Variants in DENND6A observed in about 807,000 individuals in gnomAD.
DENND6A encodes the protein protein DENND6A.
Under a neutral mutation model 95.5 loss-of-function variants are expected in DENND6A, and 43 were observed. That is an observed-to-expected ratio of 0.45 (90% CI 0.35 to 0.58). The LOEUF (loss-of-function observed/expected upper bound fraction) is 0.58. Ranked by LOEUF, DENND6A falls within the 20% of genes least tolerant of loss-of-function variation. DENND6A has a pLI of 0.00. For missense variants in DENND6A, 574 were observed against 736.0 expected, an observed-to-expected ratio of 0.78 and a Z score of 2.55; for synonymous variants, 257 against 260.4, an observed-to-expected ratio of 0.99 and a Z score of 0.13.
intron 1 of DENND6A, among the ~76,000 whole-genome samples, chr3:57,682,311 T>C (rs1250075233): frequency 8.5e-6 from 1 of 117,178 alleles, no homozygotes; most frequent in East Asian, 2.3e-4. Context: ...AAAAAAAAAA[T>C]TATATTCTGT....
rs1296899724 is a variant in DENND6A at position 57,637,604 on chromosome 3, G to A, written c.1133-2835C>T. On this transcript the variant is annotated intron_variant, in intron 12 of 19. Coordinates refer to ENST00000311128, the MANE Select transcript of DENND6A (RefSeq NM_152678.3). ...CCAGAATCCTGAGCAGGGCTGTGTT[G>A]CACAACTTGTGCAGCATTTGCAGTG... Among the ~76,000 whole-genome samples the A allele has an allele frequency of 7.2e-5, 11 of 151,744 alleles. 1 individual carries two copies. Among genetic ancestry groups the A allele is most frequent in the Non-Finnish European group, 1.6e-4 (11 of 67,972 alleles).
chr3:57,655,902 CTCTA>C (rs1433412852), intron 9 of DENND6A, among the ~76,000 whole-genome samples: 1 of 152,128 alleles, frequency 6.6e-6, no homozygotes, highest in Non-Finnish European at 1.5e-5. Flanking sequence ...AATAATTGAA[CTCTA>C]TATTAATTTA....
At chr3:57,679,467 T>A (rs2077140296) in intron 1 of DENND6A, 2 of 984,844 alleles carry the variant, frequency 2.0e-6, no homozygotes, top group Admixed American at 1.2e-4. Flanking sequence ...AAATTTTCTT[T>A]AAAGTTCACA....
At chr3:57,680,039 A>C (rs963754656) in intron 1 of DENND6A, among the ~76,000 whole-genome samples, 3 of 152,212 alleles carry the variant, frequency 2.0e-5, no homozygotes, top group African/African-American at 7.2e-5. Context: ...TGAAGCACAA[A>C]AGTTAACTTC....
At chr3:57,628,717 A>G (rs2070588929) in intron 19 of DENND6A, 94 bp downstream of exon 19, 1 of 1,292,464 alleles carries the variant, frequency 7.7e-7, no homozygotes, top group African/African-American at 1.5e-5. Flanking sequence ...TTAAAAAGTT[A>G]CTTCTGCGAA....
At chr3:57,680,349 T>C (rs1323031972) in intron 1 of DENND6A, among the ~76,000 whole-genome samples, 1 of 152,192 alleles carries the variant, frequency 6.6e-6, no homozygotes, top group Non-Finnish European at 1.5e-5. Flanking sequence ...CCCAAGGTGA[T>C]AGCGGTATTA....
chr3:57,630,305 T>G, intron 18 of DENND6A, 116 bp downstream of exon 18: 1 of 867,794 alleles, frequency 1.2e-6, no homozygotes. Flanking sequence ...CTAGAAAAGT[T>G]AGTCATCATT....
At chr3:57,673,041 C>G (rs771919459) in intron 1 of DENND6A, among the ~76,000 whole-genome samples, 3 of 150,374 alleles carry the variant, frequency 2.0e-5, no homozygotes, top group Admixed American at 2.0e-4. Context: ...ATGATGAAAC[C>G]CCATCTCTAC....
intron 18 of DENND6A, among the ~76,000 whole-genome samples, chr3:57,629,431 C>A (rs1025794276): frequency 4.0e-5 from 6 of 150,160 alleles, no homozygotes; most frequent in African/African-American, 1.2e-4. Context: ...GAAAGTGAGA[C>A]TATTCCTTTT....
chr3:57,645,810 A>C lies in DENND6A; in HGVS notation c.942-54T>G, dbSNP rs962417567. The C allele has an allele frequency of 4.1e-5, 54 of 1,319,448 alleles. 2 individuals carry two copies. The highest frequency in any genetic ancestry group is 7.4e-5 in the South Asian group (6 of 81,182). The allele number at this position is 1,319,448 out of a possible 1,614,324, so 81.7% of individuals were successfully genotyped here. A position where few individuals can be genotyped will look rare whatever the true frequency, so the allele number is the denominator to read the frequency against. ...AAGGACACAGAAATTAAAGGTCCTA[A>C]TCTATAACTAGAAAACATCTATACA... On this transcript the variant is annotated intron_variant, in intron 10 of 19. Transcript: ENST00000311128.
At chr3:57,678,671 T>C (rs948612726) in intron 1 of DENND6A, among the ~76,000 whole-genome samples, 2 of 152,222 alleles carry the variant, frequency 1.3e-5, no homozygotes, top group Non-Finnish European at 2.9e-5. Context: ...CTCTCTCTCT[T>C]TCTCTCTACC....
chr3:57,654,312 T>A (rs1449582798), intron 9 of DENND6A, among the ~76,000 whole-genome samples: 1 of 152,138 alleles, frequency 6.6e-6, no homozygotes, highest in African/African-American at 2.4e-5. Context: ...AGATATAGTA[T>A]GTTATTATAA....
chr3:57,693,064 C>A lies in DENND6A; in HGVS notation c.-46G>T, dbSNP rs934220349. On this transcript the variant is annotated 5_prime_UTR_variant, in exon 1 of 20. Transcript: ENST00000311128. ...GCGCCGCCTCCACAGCGGACCGCGC[C>A]GCAGAGCGCGCTTGCCTCCGCGCAG... The A allele has an allele frequency of 5.2e-6, 7 of 1,338,636 alleles. No homozygotes were observed. The highest frequency in any genetic ancestry group is 1.5e-5 in the African/African-American group (1 of 64,700). 82.9% of individuals were successfully genotyped at this position (1,338,636 alleles called of 1,614,324 possible).
At chr3:57,690,362 G>C (rs112854180) in intron 1 of DENND6A, among the ~76,000 whole-genome samples, 8 of 152,124 alleles carry the variant, frequency 5.3e-5, no homozygotes, top group African/African-American at 1.9e-4. Context: ...AAAATTAGCC[G>C]GGCGTGGTGC....
chr3:57,690,498 G>GC (rs1382416730), intron 1 of DENND6A, among the ~76,000 whole-genome samples: 1 of 151,480 alleles, frequency 6.6e-6, no homozygotes, highest in Non-Finnish European at 1.5e-5. Flanking sequence ...TCCAGCCTGG[G>GC]CAACAGAGCA....
At chr3:57,688,931 A>T (rs568704140) in intron 1 of DENND6A, among the ~76,000 whole-genome samples, 2 of 152,306 alleles carry the variant, frequency 1.3e-5, no homozygotes, top group South Asian at 4.1e-4. Flanking sequence ...GCCTCTTAGT[A>T]GAATTAAGAG....
chr3:57,647,906 A>G (rs1286392131), intron 9 of DENND6A, among the ~76,000 whole-genome samples: 1 of 152,042 alleles, frequency 6.6e-6, no homozygotes, highest in Non-Finnish European at 1.5e-5. Flanking sequence ...GAGCAGGGTA[A>G]GGAGGGTATC....
intron 18 of DENND6A, 116 bp downstream of exon 18, chr3:57,630,305 T>C (rs1298933200): frequency 5.8e-6 from 5 of 867,676 alleles, no homozygotes; most frequent in African/African-American, 3.5e-5. Context: ...CTAGAAAAGT[T>C]AGTCATCATT....
intron 3 of DENND6A, among the ~76,000 whole-genome samples, chr3:57,670,499 TCTCCA>T (rs1235099902): frequency 6.6e-6 from 1 of 152,182 alleles, no homozygotes; most frequent in Non-Finnish European, 1.5e-5. Flanking sequence ...GCTGGTACCA[TCTCCA>T]GTGATAAAGA....
Sources: allele counts gnomAD v4.1 joint callset (sites outside exome capture counted in the v4.1 genomes callset), GRCh38; gene constraint gnomAD v4.1.1; transcripts MANE v1.5; gene names NCBI Gene and HGNC (gene_info 2026-07-23, HGNC 2026-07-21).